The following ATP6V1F variants were observed in gnomAD, a reference collection of about 807,000 sequenced individuals.
The protein encoded by ATP6V1F is V-type proton ATPase subunit F.
A neutral mutation model predicts 6.6 loss-of-function variants in ATP6V1F; 4 were observed. The observed-to-expected ratio is 0.60, with a 90% CI of 0.30 to 1.38. The LOEUF is 1.38. ATP6V1F is among the 40% of genes most tolerant of loss of function. ATP6V1F has a pLI of 0.08. For synonymous variants in ATP6V1F, 68 were observed against 66.9 expected (o/e 1.02, Z -0.08); for missense variants, 136 against 165.5 (o/e 0.82, Z 0.98).
At position 128,865,212 on chromosome 7, in the gene ATP6V1F, G is replaced by T. The variant is rs1809363724; in HGVS notation, c.159-165G>T. The T allele has an allele frequency of 3.9e-6, 6 of 1,540,044 alleles. No individual in the cohort carries two copies. Among genetic ancestry groups the T allele is most frequent in the Non-Finnish European group, 5.2e-6 (6 of 1,147,098 alleles). On this transcript the variant is annotated intron_variant, in intron 1 of 1. Coordinates refer to ENST00000249289, the MANE Select transcript of ATP6V1F (RefSeq NM_004231.4). The surrounding 1 kb of genome is among the most constrained non-coding windows in gnomAD (Gnocchi z 4.4). ...GATGAAATTGATTCTAGGTAGGGTT[G>T]ACAGAGGGTTGAGCGTGGCAGCCTT... is the stretch of plus-strand genomic sequence containing the variant.
intron 1 of ATP6V1F, among the ~76,000 whole-genome samples, chr7:128,863,399 T>C (rs1809316154): frequency 6.6e-6 from 1 of 152,208 alleles, no homozygotes; most frequent in Non-Finnish European, 1.5e-5. Context: ...TTTGTCCTAC[T>C]CACAGGTGAG....
At chr7:128,864,406 G>C (rs1809337517) in intron 1 of ATP6V1F, among the ~76,000 whole-genome samples, 1 of 152,096 alleles carries the variant, frequency 6.6e-6, no homozygotes, top group Non-Finnish European at 1.5e-5. Flanking sequence ...AGGAGCACAA[G>C]GCCAGGTTCT....
chr7:128,865,189 T>C lies in ATP6V1F; in HGVS notation c.159-188T>C, dbSNP rs1422594479. 15 of 1,537,286 alleles carry C rather than the reference T, an allele frequency of 9.8e-6. No individual in the cohort carries two copies. The highest frequency in any genetic ancestry group is 1.3e-5 in the Non-Finnish European group (15 of 1,146,946). On this transcript the variant is annotated intron_variant, in intron 1 of 1. Transcript: ENST00000249289. This position sits in a 1 kb window ranked among gnomAD's most constrained non-coding sequence, Gnocchi z 4.4. ...ATCAGCGTGACCCTCCGCTTTGGGA[T>C]GAAATTGATTCTAGGTAGGGTTGAC...
At chr7:128,863,634 C>T (rs1266866500) in intron 1 of ATP6V1F, among the ~76,000 whole-genome samples, 2 of 152,218 alleles carry the variant, frequency 1.3e-5, no homozygotes, top group Non-Finnish European at 2.9e-5. Flanking sequence ...CACTCAAGCC[C>T]TCACTGCCTG....
chr7:128,863,800 A>G (rs749600569), intron 1 of ATP6V1F, among the ~76,000 whole-genome samples: 14 of 152,120 alleles, frequency 9.2e-5, no homozygotes, highest in Non-Finnish European at 2.1e-4. Flanking sequence ...TTTCCCCCAA[A>G]CAGTCCAGCC....
At position 128,865,770 on chromosome 7, in the gene ATP6V1F, C is replaced by T. The variant is rs927666606; in HGVS notation, c.*192C>T. The T allele has an allele frequency of 8.3e-6, 5 of 604,844 alleles. No homozygotes were observed. Among genetic ancestry groups the T allele is most frequent in the African/African-American group, 3.7e-5 (2 of 53,974 alleles). 37.5% of individuals were successfully genotyped at this position (604,844 alleles called of 1,614,324 possible). A position where few individuals can be genotyped will look rare whatever the true frequency, so the allele number is the denominator to read the frequency against. ...AGGAACAGGAAGCCTGACCATCTCC[C>T]TCCACTACCTCTTCCCTGTGCTGTT... On this transcript the variant is annotated 3_prime_UTR_variant, in exon 2 of 2. Transcript: ENST00000249289. The surrounding 1 kb of genome is among the most constrained non-coding windows in gnomAD (Gnocchi z 4.4).
At position 128,862,946 on chromosome 7, in the gene ATP6V1F, G is replaced by C; in HGVS notation, c.42G>C (p.Glu14Asp). ...RGKLIAVIGD[E>D]DTVTGFLLGG... The stretch of plus-strand genomic sequence containing the variant: ...AGCTCATCGCAGTGATCGGAGACGA[G>C]GACACGGTGACTGGTTTCCTGCTGG... Residue 14 changes from glutamate (E) to aspartate (D), a missense_variant, in exon 1 of 2, where the codon GAG (glutamate) becomes GAC (aspartate). Coordinates refer to ENST00000249289, the MANE Select transcript of ATP6V1F (RefSeq NM_004231.4). The C allele has an allele frequency of 6.2e-7, 1 of 1,613,246 alleles. No individual in the cohort carries two copies. Among genetic ancestry groups the C allele is most frequent in the Non-Finnish European group, 8.5e-7 (1 of 1,179,616 alleles).
chr7:128,863,151 G>A, intron 1 of ATP6V1F, 89 bp downstream of exon 1: 1 of 1,496,560 alleles, frequency 6.7e-7, no homozygotes, highest in Non-Finnish European at 9.0e-7. Flanking sequence ...GGGGGTGAGG[G>A]GACGATCCTG....
Position 128,865,016 on chromosome 7 carries a change from C to A in ATP6V1F, c.159-361C>A. 1 of 1,020,660 alleles carries A rather than the reference C, an allele frequency of 9.8e-7. No individual in the cohort carries two copies. Among genetic ancestry groups the A allele is most frequent in the Non-Finnish European group, 1.5e-6 (1 of 681,786 alleles). The allele number at this position is 1,020,660 out of a possible 1,614,324, so 63.2% of individuals were successfully genotyped here. On this transcript the variant is annotated intron_variant, in intron 1 of 1. Coordinates refer to ENST00000249289, the MANE Select transcript of ATP6V1F (RefSeq NM_004231.4). This position sits in a 1 kb window ranked among gnomAD's most constrained non-coding sequence, Gnocchi z 4.4. ...TCACAGCTGGCCTTCAGTATCTGCACATAAAAAGGGATCTGCATACATATA... is the reference window on the plus strand; with the variant it reads ...TCACAGCTGGCCTTCAGTATCTGCAAATAAAAAGGGATCTGCATACATATA...
chr7:128,865,209 G>T lies in ATP6V1F; in HGVS notation c.159-168G>T, dbSNP rs1429906677. 6.5e-7 allele frequency: 1 copy of T among 1,539,484 alleles called. No homozygotes were observed. ...TGGGATGAAATTGATTCTAGGTAGG[G>T]TTGACAGAGGGTTGAGCGTGGCAGC... On this transcript the variant is annotated intron_variant, in intron 1 of 1. Coordinates refer to ENST00000249289, the MANE Select transcript of ATP6V1F (RefSeq NM_004231.4). The surrounding 1 kb of genome is among the most constrained non-coding windows in gnomAD (Gnocchi z 4.4).
At position 128,865,255 on chromosome 7, in the gene ATP6V1F, C is replaced by T; in HGVS notation, c.159-122C>T. On this transcript the variant is annotated intron_variant, in intron 1 of 1. Transcript: ENST00000249289. The surrounding 1 kb of genome is among the most constrained non-coding windows in gnomAD (Gnocchi z 4.4). ...GCAGCCTTTCCCCTTGTCCTCTGTG[C>T]CCTCTGGGTCATGCTCATTCCCCTC... is the stretch of plus-strand genomic sequence containing the variant. 6.4e-7 allele frequency: 1 copy of T among 1,552,500 alleles called. No individual in the cohort carries two copies. The highest frequency in any genetic ancestry group is 8.7e-7 in the Non-Finnish European group (1 of 1,146,028).
chr7:128,865,765 T>C lies in ATP6V1F; in HGVS notation c.*187T>C. ...GGTTAAGGAACAGGAAGCCTGACCA[T>C]CTCCCTCCACTACCTCTTCCCTGTG... On this transcript the variant is annotated 3_prime_UTR_variant, in exon 2 of 2. Coordinates refer to ENST00000249289, the MANE Select transcript of ATP6V1F (RefSeq NM_004231.4). This position sits in a 1 kb window ranked among gnomAD's most constrained non-coding sequence, Gnocchi z 4.4. 1 of 615,420 alleles carries C rather than the reference T, an allele frequency of 1.6e-6. No homozygotes were observed. The highest frequency in any genetic ancestry group is 2.8e-6 in the Non-Finnish European group (1 of 351,598). The allele number at this position is 615,420 out of a possible 1,614,324, so 38.1% of individuals were successfully genotyped here.
chr7:128,865,793 G>A lies in ATP6V1F; in HGVS notation c.*215G>A. 1 of 588,134 alleles carries A rather than the reference G, an allele frequency of 1.7e-6. No individual in the cohort carries two copies. Among genetic ancestry groups the A allele is most frequent in the Admixed American group, 3.1e-5 (1 of 31,968 alleles). 36.4% of individuals were successfully genotyped at this position (588,134 alleles called of 1,614,324 possible). On this transcript the variant is annotated 3_prime_UTR_variant, in exon 2 of 2. Coordinates refer to ENST00000249289, the MANE Select transcript of ATP6V1F (RefSeq NM_004231.4). The surrounding 1 kb of genome is among the most constrained non-coding windows in gnomAD (Gnocchi z 4.4). Reference sequence around the variant, plus strand: ...CCCTCCACTACCTCTTCCCTGTGCTGTTACACAGTGTCATTGTTGATGTTA... The same window carrying A: ...CCCTCCACTACCTCTTCCCTGTGCTATTACACAGTGTCATTGTTGATGTTA...
In ATP6V1F at chr7:128,865,061, TG is replaced by T; in HGVS notation, c.159-315del. The T allele has an allele frequency of 6.6e-6, 9 of 1,358,624 alleles. No individual in the cohort carries two copies. The highest frequency in any genetic ancestry group is 9.1e-6 in the Non-Finnish European group (9 of 985,190). The allele number at this position is 1,358,624 out of a possible 1,614,324, so 84.2% of individuals were successfully genotyped here. A position where few individuals can be genotyped will look rare whatever the true frequency, so the allele number is the denominator to read the frequency against. ...CATATAATCTTATCCTTCCCCTTTC[TG>T]ACACATCACTGCATATTGAATACAC... is the stretch of plus-strand genomic sequence containing the variant. On this transcript the variant is annotated intron_variant, in intron 1 of 1. Transcript: ENST00000249289. This position sits in a 1 kb window ranked among gnomAD's most constrained non-coding sequence, Gnocchi z 4.4.
rs766852279 is a variant in ATP6V1F at position 128,865,568 on chromosome 7, A to G, written c.350A>G (p.Asp117Gly). ...RRARGMFTAE[D>G]LR ...GCCAGGGGCATGTTCACTGCCGAAGACCTGCGCTAGGGGACTCCTCATAGC... is the reference window on the plus strand; with the variant it reads ...GCCAGGGGCATGTTCACTGCCGAAGGCCTGCGCTAGGGGACTCCTCATAGC... Residue 117 changes from aspartate to glycine, a missense_variant, in exon 2 of 2, where the codon GAC (aspartate) becomes GGC (glycine). By Grantham distance (94) the Asp-to-Gly change is moderately conservative. Coordinates refer to ENST00000249289, the MANE Select transcript of ATP6V1F (RefSeq NM_004231.4). The surrounding 1 kb of genome is among the most constrained non-coding windows in gnomAD (Gnocchi z 4.4). 1.9e-6 allele frequency: 3 copies of G among 1,613,552 alleles called. No homozygotes were observed. The highest frequency in any genetic ancestry group is 2.5e-6 in the Non-Finnish European group (3 of 1,179,910).
intron 1 of ATP6V1F, among the ~76,000 whole-genome samples, chr7:128,863,559 C>G (rs932994503): frequency 6.6e-6 from 1 of 152,184 alleles, no homozygotes; most frequent in Non-Finnish European, 1.5e-5. Context: ...CTCGGAATTT[C>G]CTTGTAGTCT....
intron 1 of ATP6V1F, chr7:128,864,856 TATAGATAG>T: frequency 2.3e-6 from 1 of 427,780 alleles, no homozygotes; most frequent in African/African-American, 2.1e-5. Flanking sequence ...TGTGTGTATA[TATAGATAG>T]AGAGAGAGAG....
chr7:128,865,657 G>C lies in ATP6V1F; in HGVS notation c.*79G>C. 1 of 1,432,956 alleles carries C rather than the reference G, an allele frequency of 7.0e-7. No individual in the cohort carries two copies. Among genetic ancestry groups the C allele is most frequent in the African/African-American group, 1.4e-5 (1 of 69,982 alleles). 88.8% of individuals were successfully genotyped at this position (1,432,956 alleles called of 1,614,324 possible). On this transcript the variant is annotated 3_prime_UTR_variant, in exon 2 of 2. Coordinates refer to ENST00000249289, the MANE Select transcript of ATP6V1F (RefSeq NM_004231.4). The surrounding 1 kb of genome is among the most constrained non-coding windows in gnomAD (Gnocchi z 4.4). ...TTGCCATCAGCCTTCTTTACTTTTT[G>C]AGCCTCTGATTTCCAATTCCCTGCT...
rs1487674252 is a variant in ATP6V1F at position 128,864,983 on chromosome 7, G to A, written c.159-394G>A. 1.8e-5 allele frequency: 14 copies of A among 777,672 alleles called. No homozygotes were observed. The Admixed American group carries it at 2.3e-4, about 13-fold the overall frequency. The allele number at this position is 777,672 out of a possible 1,614,324, so 48.2% of individuals were successfully genotyped here. On this transcript the variant is annotated intron_variant, in intron 1 of 1. Transcript: ENST00000249289. ...CTCCCAAAGTGCTGGGATTACAGGC[G>A]TGAGCCATCACAGCTGGCCTTCAGT...
Sources: gnomAD v4.1 joint callset for allele counts (sites outside exome capture counted in the v4.1 genomes callset) on GRCh38, gnomAD v4.1.1 for gene constraint, Gnocchi (gnomAD v3.1) non-coding constraint, MANE v1.5 for transcripts, NCBI Gene and HGNC (gene_info 2026-07-23, HGNC 2026-07-21) for gene names.